Variants in KIAA1671 observed in about 807,000 individuals in gnomAD.
The protein encoded by KIAA1671 is uncharacterized protein KIAA1671.
KIAA1671 carries 52 observed loss-of-function variants against 131.2 expected under a neutral mutation model. That is an observed-to-expected ratio of 0.40 (90% CI 0.32 to 0.50). The LOEUF is 0.50. Ranked by LOEUF, KIAA1671 falls within the 20% of genes least tolerant of loss-of-function variation. The pLI, the probability that KIAA1671 is intolerant of heterozygous loss-of-function variation, is 0.73. For synonymous variants in KIAA1671, 1,003 were observed against 961.6 expected, an observed-to-expected ratio of 1.04 and a Z score of -0.80; for missense variants, 2,360 against 2,364.2, an observed-to-expected ratio of 1.00 and a Z score of 0.04.
chr22:25,135,152 AGT>A (rs894671501), intron 6 of KIAA1671, among the ~76,000 whole-genome samples: 15 of 152,154 alleles, frequency 9.9e-5, no homozygotes, highest in African/African-American at 3.6e-4. Context: ...TTGGGCTGTT[AGT>A]GCCAGTGGCT....
chr22:25,117,585 C>CCACCCACACA (rs1931731177), intron 6 of KIAA1671, among the ~76,000 whole-genome samples: 1 of 123,836 alleles, frequency 8.1e-6, no homozygotes, highest in Non-Finnish European at 1.6e-5. Flanking sequence ...TCTCCCCCAA[C>CCACCCACACA]CACACACACA....
In KIAA1671 at chr22:25,028,209, C is replaced by T; in HGVS notation, c.210C>T (p.Pro70=). 6.4e-7 allele frequency: 1 copy of T among 1,551,290 alleles called. No individual in the cohort carries two copies. The highest frequency in any genetic ancestry group is 1.2e-5 in the South Asian group (1 of 84,010). ...LLPLPRLAPK[P]FSKEQDVKSP... is the part of the protein sequence containing the mutation. ...CTCTGCCAAGGCTCGCCCCCAAACC[C>T]TTCTCGAAGGAGCAGGACGTGAAAT... is the stretch of plus-strand genomic sequence containing the variant. Residue 70 remains proline, a synonymous_variant, in exon 3 of 13, where the codon CCC becomes CCT. Coordinates refer to ENST00000358431, the MANE Select transcript of KIAA1671 (RefSeq NM_001145206.2).
intron 6 of KIAA1671, chr22:25,055,271 T>C (rs1408075077): frequency 6.7e-6 from 1 of 150,010 alleles, no homozygotes; most frequent in Non-Finnish European, 1.5e-5. Flanking sequence ...TGGGAACTTG[T>C]GAGGTGGCCC....
chr22:25,146,374 GT>G (rs1180733796), intron 6 of KIAA1671, among the ~76,000 whole-genome samples: 3 of 152,124 alleles, frequency 2.0e-5, no homozygotes, highest in Non-Finnish European at 4.4e-5. Flanking sequence ...CACTTCTTTT[GT>G]TTTTTGTTTT....
In KIAA1671 at chr22:25,170,945, C is replaced by T. The variant is rs757241678; in HGVS notation, c.4649+7C>T. On this transcript the variant is annotated splice_region_variant and intron_variant, in intron 7 of 12. Coordinates refer to ENST00000358431, the MANE Select transcript of KIAA1671 (RefSeq NM_001145206.2). ...AGTGCCAGAGTGGGGAGAGGTAGGA[C>T]GCGTGCGACGGGATTCTGGCTGCAA... 41 of 1,550,556 alleles carry T rather than the reference C, an allele frequency of 2.6e-5. No homozygotes were observed. The highest frequency in any genetic ancestry group is 1.5e-4 in the African/African-American group (11 of 72,968).
At chr22:25,140,177 T>C (rs979479682) in intron 6 of KIAA1671, among the ~76,000 whole-genome samples, 1 of 152,178 alleles carries the variant, frequency 6.6e-6, no homozygotes, top group Non-Finnish European at 1.5e-5. Context: ...CCAACCTCAC[T>C]TGGGTTATTG....
At position 25,038,822 on chromosome 22, in the gene KIAA1671, A is replaced by G; in HGVS notation, c.1692A>G (p.Thr564=). The change falls in exon 5 of 13, where the codon ACA becomes ACG. Residue 564 remains threonine, a synonymous_variant. Transcript: ENST00000358431. ...CIPRSPWKPG[T]LRDKSRQTEQ... ...CGAGAAGCCCCTGGAAGCCTGGGAC[A>G]CTCCGGGATAAGTCCAGGCAGACGG... The G allele has an allele frequency of 1.3e-6, 2 of 1,551,630 alleles. No individual in the cohort carries two copies. Among genetic ancestry groups the G allele is most frequent in the South Asian group, 2.4e-5 (2 of 84,034 alleles).
chr22:25,042,633 AT>A (rs2070092925), intron 5 of KIAA1671, among the ~76,000 whole-genome samples: 1 of 134,762 alleles, frequency 7.4e-6, no homozygotes, highest in South Asian at 2.4e-4. Flanking sequence ...TACCCGGCTA[AT>A]TTTTTGTATT....
intron 10 of KIAA1671, among the ~76,000 whole-genome samples, chr22:25,182,379 C>G (rs1314295784): frequency 7.6e-6 from 1 of 132,182 alleles, no homozygotes; most frequent in Non-Finnish European, 1.6e-5. Flanking sequence ...CCCTCCCTTT[C>G]TCTTTTCTTC....
chr22:25,111,518 A>C (rs1005323769), intron 6 of KIAA1671, among the ~76,000 whole-genome samples: 2 of 152,216 alleles, frequency 1.3e-5, no homozygotes, highest in South Asian at 2.1e-4. Flanking sequence ...CAGCCAGGGG[A>C]CCCGGGGGCC....
rs564082989 is a variant in KIAA1671, at chr22:24,979,362, T to A, written c.-208+26590T>A. On this transcript the variant is annotated intron_variant, in intron 1 of 12. Coordinates refer to ENST00000358431, the MANE Select transcript of KIAA1671 (RefSeq NM_001145206.2). ...TATTTATTTATTTATTTATTTATTT[T>A]TTTTTGAGACGGAGTCTCGCTGTTT... Among the ~76,000 whole-genome samples, 201 of 147,828 alleles carry A rather than the reference T, an allele frequency of 1.4e-3. 1 individual carries two copies. Among genetic ancestry groups the A allele is most frequent in the Non-Finnish European group, 2.2e-3 (149 of 67,192 alleles).
At chr22:25,013,301 C>G (rs1925136576) in intron 1 of KIAA1671, 1 of 152,180 alleles carries the variant, frequency 6.6e-6, no homozygotes, top group South Asian at 2.1e-4. Context: ...AAAAGACACT[C>G]AAGTCATTGT....
chr22:25,162,751 A>G (rs2145996624), intron 6 of KIAA1671, among the ~76,000 whole-genome samples: 1 of 152,298 alleles, frequency 6.6e-6, no homozygotes, highest in African/African-American at 2.4e-5. Flanking sequence ...ATAAAGTTTT[A>G]TTGGGACACA....
intron 6 of KIAA1671, chr22:25,064,974 C>T (rs1005746350): frequency 2.0e-5 from 3 of 152,170 alleles, no homozygotes; most frequent in Admixed American, 2.0e-4. Context: ...TCCTACTGTA[C>T]CCGAAGAGAG....
intron 6 of KIAA1671, among the ~76,000 whole-genome samples, chr22:25,084,143 G>A (rs1405869936): frequency 6.6e-6 from 1 of 152,244 alleles, no homozygotes; most frequent in East Asian, 1.9e-4. Context: ...CAGGAAGGCT[G>A]CAGAGCCCCC....
At chr22:25,000,662 G>A (rs1924412028) in intron 1 of KIAA1671, among the ~76,000 whole-genome samples, 1 of 151,868 alleles carries the variant, frequency 6.6e-6, no homozygotes, top group African/African-American at 2.4e-5. Context: ...GATTACAGGT[G>A]CATGCCACCA....
At chr22:25,137,787 C>T (rs1377544966) in intron 6 of KIAA1671, among the ~76,000 whole-genome samples, 1 of 152,212 alleles carries the variant, frequency 6.6e-6, no homozygotes, top group African/African-American at 2.4e-5. Context: ...AGAGTTTGTC[C>T]TCCTGCCAGT....
chr22:25,060,235 T>C (rs1928087033), intron 6 of KIAA1671: 1 of 152,234 alleles, frequency 6.6e-6, no homozygotes, highest in Non-Finnish European at 1.5e-5. Context: ...AAGGCTAGAG[T>C]GCAGTGGCAT....
At chr22:24,967,948 A>C (rs1217723683) in intron 1 of KIAA1671, among the ~76,000 whole-genome samples, 1 of 152,216 alleles carries the variant, frequency 6.6e-6, no homozygotes, top group East Asian at 1.9e-4. Context: ...AACCGAGATC[A>C]TGCCACTGCA....
Sources: gnomAD v4.1 joint callset for allele counts (sites outside exome capture counted in the v4.1 genomes callset) on GRCh38, gnomAD v4.1.1 for gene constraint, MANE v1.5 for transcripts, NCBI Gene and HGNC (gene_info 2026-07-23, HGNC 2026-07-21) for gene names.